LDB2: variants seen among roughly 807,000 people sequenced by gnomAD.
LDB2 encodes the protein LIM domain-binding protein 2.
LDB2 carries 12 observed loss-of-function variants against 44.3 expected under a neutral mutation model. That is an observed-to-expected ratio of 0.27 (90% CI 0.17 to 0.44). The LOEUF is 0.44. Ranked by LOEUF, LDB2 falls within the 20% of genes least tolerant of loss-of-function variation. LDB2 has a pLI of 1.00. For missense variants in LDB2, 344 were observed against 473.5 expected (o/e 0.73, Z 2.54); for synonymous variants, 164 against 174.8 (o/e 0.94, Z 0.49).
At chr4:16,713,107 T>C (rs191904720) in intron 2 of LDB2, among the ~76,000 whole-genome samples, 4 of 152,332 alleles carry the variant, frequency 2.6e-5, no homozygotes, top group Non-Finnish European at 5.9e-5. Context: ...AAACACAATA[T>C]GATTTCATTC....
At chr4:16,565,004 A>G (rs1743983604) in intron 5 of LDB2, among the ~76,000 whole-genome samples, 1 of 152,376 alleles carries the variant, frequency 6.6e-6, no homozygotes, top group Admixed American at 6.5e-5. Flanking sequence ...TACAATTACA[A>G]GAAATTGTAA....
At position 16,697,266 on chromosome 4, in the gene LDB2, T is replaced by TACACACACACACACACACAC. The variant is rs57040700; in HGVS notation, c.235+61872_235+61891dup. Reference sequence around the variant, plus strand: ...GGTGAAACCCCGTCTCTACTAAAAATACACACACACACACACACACACACA... The same window carrying TACACACACACACACACACAC: ...GGTGAAACCCCGTCTCTACTAAAAATACACACACACACACACACACACACACACACACACACACACACACA... On this transcript the variant is annotated intron_variant, in intron 2 of 7. Coordinates refer to ENST00000304523, the MANE Select transcript of LDB2 (RefSeq NM_001290.5). 8.3e-3 allele frequency among the ~76,000 whole-genome samples: 1,082 copies of TACACACACACACACACACAC among 130,674 alleles called. 18 individuals carry two copies. The highest frequency in any genetic ancestry group is 0.013 in the African/African-American group (455 of 34,076). The allele number at this position is 130,674 out of a possible 152,430, so 85.7% of individuals were successfully genotyped here.
At chr4:16,517,300 C>T (rs1363103303) in intron 5 of LDB2, among the ~76,000 whole-genome samples, 1 of 152,022 alleles carries the variant, frequency 6.6e-6, no homozygotes, top group African/African-American at 2.4e-5. Context: ...AAGTATGAGC[C>T]AGGTTACAAG....
chr4:16,734,569 C>T (rs577836080), intron 2 of LDB2, among the ~76,000 whole-genome samples: 2 of 152,266 alleles, frequency 1.3e-5, no homozygotes, highest in South Asian at 4.2e-4. Context: ...TCCCTTCCAT[C>T]CAGAGTCCTT....
chr4:16,648,953 C>A (rs1441423853), intron 2 of LDB2, among the ~76,000 whole-genome samples: 1 of 151,930 alleles, frequency 6.6e-6, no homozygotes, highest in Non-Finnish European at 1.5e-5. Flanking sequence ...GAAGCTGAAG[C>A]CAATAATTTG....
intron 2 of LDB2, among the ~76,000 whole-genome samples, chr4:16,640,590 T>C (rs1016644219): frequency 6.6e-5 from 10 of 152,206 alleles, no homozygotes; most frequent in Non-Finnish European, 1.5e-4. Flanking sequence ...CCAGACACTA[T>C]TAAAACTACT....
chr4:16,824,025 A>G (rs1682897118), intron 1 of LDB2, among the ~76,000 whole-genome samples: 1 of 152,258 alleles, frequency 6.6e-6, no homozygotes, highest in South Asian at 2.1e-4. Flanking sequence ...GCGGCACTGC[A>G]AAGTGATACT....
At chr4:16,808,207 T>C (rs1045929547) in intron 1 of LDB2, among the ~76,000 whole-genome samples, 2 of 152,232 alleles carry the variant, frequency 1.3e-5, no homozygotes, top group African/African-American at 2.4e-5. Context: ...TCTTTAATTA[T>C]AGCAACATGC....
At chr4:16,722,147 G>C (rs373944548) in intron 2 of LDB2, among the ~76,000 whole-genome samples, 18 of 152,084 alleles carry the variant, frequency 1.2e-4, no homozygotes, top group East Asian at 3.9e-4. Flanking sequence ...CATAGTAGCA[G>C]CTACTACTTC....
intron 1 of LDB2, among the ~76,000 whole-genome samples, chr4:16,847,263 TA>T (rs113800256): frequency 0.053 from 8,003 of 152,254 alleles, 615 homozygotes; most frequent in African/African-American, 0.17. Context: ...ATCAGCATAA[TA>T]TTTTTTTTCA....
intron 5 of LDB2, among the ~76,000 whole-genome samples, chr4:16,522,263 CGTGTGTGTGTGTTT>C (rs1560352888): frequency 1.4e-5 from 1 of 69,570 alleles, no homozygotes; most frequent in African/African-American, 4.5e-5. Context: ...TATTCCCCGC[CGTGTGTGTGTGTTT>C]GTGTGTGTGT....
chr4:16,727,054 CT>C (rs1214871782), intron 2 of LDB2, among the ~76,000 whole-genome samples: 4 of 152,144 alleles, frequency 2.6e-5, no homozygotes, highest in African/African-American at 9.7e-5. Flanking sequence ...TCCTAAATAA[CT>C]GCACGGATTA....
At chr4:16,808,012 G>A (rs1031316507) in intron 1 of LDB2, among the ~76,000 whole-genome samples, 2 of 152,018 alleles carry the variant, frequency 1.3e-5, no homozygotes, top group Non-Finnish European at 2.9e-5. Flanking sequence ...AATTTCATAT[G>A]TCAAAGGAGC....
chr4:16,888,055 A>G (rs1722268450), intron 1 of LDB2, among the ~76,000 whole-genome samples: 3 of 152,340 alleles, frequency 2.0e-5, no homozygotes, highest in South Asian at 4.1e-4. Context: ...CAGTGAATCA[A>G]TTGGAAGGGC....
chr4:16,829,672 AG>A (rs1783712059), intron 1 of LDB2, among the ~76,000 whole-genome samples: 2 of 152,198 alleles, frequency 1.3e-5, no homozygotes, highest in Admixed American at 6.5e-5. Context: ...CATAAGTAAA[AG>A]GAGGTGATGT....
At chr4:16,630,709 T>G (rs1039351596) in intron 2 of LDB2, among the ~76,000 whole-genome samples, 1 of 152,024 alleles carries the variant, frequency 6.6e-6, no homozygotes, top group African/African-American at 2.4e-5. Context: ...CATTCAAAGA[T>G]GCACATAGGC....
intron 1 of LDB2, among the ~76,000 whole-genome samples, chr4:16,845,466 G>A (rs746207131): frequency 6.7e-4 from 102 of 152,208 alleles, no homozygotes; most frequent in Non-Finnish European, 1.2e-3. Context: ...GCCTTCCTAC[G>A]GCAGGCACAA....
chr4:16,787,905 C>T (rs528033067), intron 1 of LDB2, among the ~76,000 whole-genome samples: 1 of 152,062 alleles, frequency 6.6e-6, no homozygotes, highest in Non-Finnish European at 1.5e-5. Flanking sequence ...GAAGTCAGGA[C>T]CCAAATTCAG....
At chr4:16,756,807 C>A (rs1766758131) in intron 2 of LDB2, among the ~76,000 whole-genome samples, 1 of 151,724 alleles carries the variant, frequency 6.6e-6, no homozygotes, top group Non-Finnish European at 1.5e-5. Flanking sequence ...GGATTTATGG[C>A]AACTTAGAGA....
Sources: allele counts gnomAD v4.1 joint callset (sites outside exome capture counted in the v4.1 genomes callset), GRCh38; gene constraint gnomAD v4.1.1; transcripts MANE v1.5; gene names NCBI Gene and HGNC (gene_info 2026-07-23, HGNC 2026-07-21).